Variants in ANKRD55 observed in about 807,000 individuals in gnomAD.
The protein encoded by ANKRD55 is ankyrin repeat domain-containing protein 55.
Under a neutral mutation model 60.6 loss-of-function variants are expected in ANKRD55, and 41 were observed. The ratio of observed to expected loss-of-function variants is 0.68; its 90% CI spans 0.53 to 0.88. The LOEUF (loss-of-function observed/expected upper bound fraction) is 0.88. Among genes scored for constraint, ANKRD55 ranks in the 40% least tolerant of loss-of-function variants. The pLI is 0.00. For synonymous variants in ANKRD55, 264 were observed against 290.3 expected (o/e 0.91, Z 0.92); for missense variants, 732 against 767.6 (o/e 0.95, Z 0.55).
intron 10 of ANKRD55, among the ~76,000 whole-genome samples, chr5:56,104,607 A>C (rs1756395168): frequency 2.0e-5 from 3 of 152,140 alleles, no homozygotes; most frequent in Admixed American, 6.5e-5. Context: ...GAAAAAAAGG[A>C]TAGGAAATGT....
At chr5:56,211,997 A>C (rs1759684320) in intron 2 of ANKRD55, among the ~76,000 whole-genome samples, 1 of 152,108 alleles carries the variant, frequency 6.6e-6, no homozygotes, top group African/African-American at 2.4e-5. Flanking sequence ...AAGCACAGAA[A>C]AAAAGTAAAA....
At chr5:56,190,259 T>C (rs160929) in intron 2 of ANKRD55, among the ~76,000 whole-genome samples, 26,163 of 152,184 alleles carry the variant, frequency 0.17, 2,730 homozygotes, top group East Asian at 0.38. Context: ...GCAAATATTT[T>C]CTCTCATTCT....
Position 56,102,565 on chromosome 5 carries a change from G to C in ANKRD55, c.1652C>G (p.Ser551Cys). 2 of 1,613,356 alleles carry C rather than the reference G, an allele frequency of 1.2e-6. No homozygotes were observed. Among genetic ancestry groups the C allele is most frequent in the South Asian group, 2.2e-5 (2 of 91,062 alleles). ...PSSGQNFQHL[S>C]PNRHKIRDLP... is the part of the protein sequence containing the mutation. ...ATCCCTGATTTTGTGTCTGTTTGGG[G>C]AAAGATGCTGAAAATTTTGTCCTGA... Residue 551 changes from serine (S) to cysteine (C), a missense_variant, in exon 11 of 12, where the codon TCC becomes TGC. Ser to Cys is a moderately radical substitution (Grantham distance 112, BLOSUM62 -1). This residue lies in a region of ANKRD55 where 597 missense variants were observed against 607.5 expected (regional missense o/e 0.98). Coordinates refer to ENST00000341048, the MANE Select transcript of ANKRD55 (RefSeq NM_024669.3).
At chr5:56,109,972 C>A (rs1756624809) in intron 10 of ANKRD55, among the ~76,000 whole-genome samples, 2 of 151,630 alleles carry the variant, frequency 1.3e-5, no homozygotes, top group Non-Finnish European at 2.9e-5. Context: ...GAGCAGAGAT[C>A]GTGTCACTGT....
intron 6 of ANKRD55, among the ~76,000 whole-genome samples, chr5:56,153,703 G>C (rs1386800428): frequency 6.6e-6 from 1 of 151,892 alleles, no homozygotes. Context: ...TGGGCGTGGT[G>C]GTGGGTGCCT....
intron 7 of ANKRD55, among the ~76,000 whole-genome samples, chr5:56,139,346 C>A (rs1006354583): frequency 6.6e-6 from 1 of 152,126 alleles, no homozygotes; most frequent in African/African-American, 2.4e-5. Context: ...GAATAAGGCA[C>A]GTTGCCCTTA....
intron 2 of ANKRD55, among the ~76,000 whole-genome samples, chr5:56,200,417 A>G (rs933613824): frequency 6.6e-6 from 1 of 152,144 alleles, no homozygotes; most frequent in Non-Finnish European, 1.5e-5. Context: ...TTCATTTTTC[A>G]TGGTCAAAAA....
At chr5:56,136,078 T>A (rs6864563) in intron 7 of ANKRD55, among the ~76,000 whole-genome samples, 68,837 of 151,856 alleles carry the variant, frequency 0.45, 16,179 homozygotes, top group Middle Eastern at 0.55. Flanking sequence ...ATGGAGATCT[T>A]CATATGGTAA....
At chr5:56,139,560 C>T (rs971259302) in intron 7 of ANKRD55, among the ~76,000 whole-genome samples, 1 of 152,106 alleles carries the variant, frequency 6.6e-6, no homozygotes, top group East Asian at 1.9e-4. Context: ...AGCATTTTAC[C>T]CAAATGGAAG....
intron 5 of ANKRD55, among the ~76,000 whole-genome samples, chr5:56,165,319 A>G (rs1438303498): frequency 2.0e-5 from 3 of 152,210 alleles, no homozygotes; most frequent in South Asian, 2.1e-4. Flanking sequence ...CTGCATTTAC[A>G]TGGGCCTGTG....
At chr5:56,113,562 G>A (rs534612533) in intron 9 of ANKRD55, among the ~76,000 whole-genome samples, 23 of 152,134 alleles carry the variant, frequency 1.5e-4, no homozygotes, top group Admixed American at 3.9e-4. Context: ...CTTTTTTCAC[G>A]GAACACCATT....
intron 2 of ANKRD55, chr5:56,193,587 T>C: frequency 3.0e-6 from 1 of 331,824 alleles, no homozygotes; most frequent in African/African-American, 2.2e-5. Context: ...TAAAGGAAAT[T>C]AGTCAAGCAA....
intron 4 of ANKRD55, among the ~76,000 whole-genome samples, chr5:56,172,328 C>T (rs966473177): frequency 6.6e-6 from 1 of 152,074 alleles, no homozygotes; most frequent in Non-Finnish European, 1.5e-5. Context: ...TCTGGCATTT[C>T]CAGTCTTGAG....
chr5:56,230,454 C>G (rs1254829184), intron 2 of ANKRD55, among the ~76,000 whole-genome samples: 1 of 152,182 alleles, frequency 6.6e-6, no homozygotes, highest in Non-Finnish European at 1.5e-5. Flanking sequence ...TAAGATTCTT[C>G]CAGCTGCAAT....
intron 8 of ANKRD55, among the ~76,000 whole-genome samples, chr5:56,118,520 A>C (rs1756944221): frequency 6.6e-6 from 1 of 152,036 alleles, no homozygotes; most frequent in Non-Finnish European, 1.5e-5. Context: ...GCTACTTGGG[A>C]GGCTGAGGCA....
rs539544719 is a variant in ANKRD55 at position 56,154,934 on chromosome 5, C to A, written c.483+4899G>T. 1.9e-4 allele frequency among the ~76,000 whole-genome samples: 29 copies of A among 152,146 alleles called. 1 individual carries two copies. The South Asian group carries it at 5.8e-3, about 30-fold the overall frequency. ...CATTTGCAATTCTAGAACTGGGCTTCATTCCAAAATGTTCTGGCCAGGCAT... is the reference window on the plus strand; with the variant it reads ...CATTTGCAATTCTAGAACTGGGCTTAATTCCAAAATGTTCTGGCCAGGCAT... On this transcript the variant is annotated intron_variant, in intron 6 of 11. Transcript: ENST00000341048.
At chr5:56,220,534 G>T (rs541780453) in intron 2 of ANKRD55, among the ~76,000 whole-genome samples, 6 of 152,206 alleles carry the variant, frequency 3.9e-5, no homozygotes, top group African/African-American at 9.7e-5. Context: ...ACTGAAAGAG[G>T]CGGGGCACAG....
In ANKRD55 at chr5:56,224,870, C is replaced by G. The variant is rs148651820; in HGVS notation, c.58+7986G>C. On this transcript the variant is annotated intron_variant, in intron 2 of 11. Transcript: ENST00000341048. ...CCTACCAACCAAAAAAAGTCCAGGACCAGACAGATTCACAGCCGAATTCTA... is the reference window on the plus strand; with the variant it reads ...CCTACCAACCAAAAAAAGTCCAGGAGCAGACAGATTCACAGCCGAATTCTA... Among the ~76,000 whole-genome samples the G allele has an allele frequency of 9.0e-3, 1,362 of 152,172 alleles. 16 individuals carry two copies. The highest frequency in any genetic ancestry group is 0.031 in the African/African-American group (1,298 of 41,484).
chr5:56,157,305 G>T (rs1295674963), intron 6 of ANKRD55, among the ~76,000 whole-genome samples: 1 of 152,216 alleles, frequency 6.6e-6, no homozygotes, highest in Non-Finnish European at 1.5e-5. Flanking sequence ...AGGCCACAGG[G>T]ACCTCTGCCT....
Sources: gnomAD v4.1 joint callset for allele counts (sites outside exome capture counted in the v4.1 genomes callset) on GRCh38, gnomAD v4.1.1 for gene constraint, gnomAD v4.1.1 regional missense constraint, MANE v1.5 for transcripts, NCBI Gene and HGNC (gene_info 2026-07-23, HGNC 2026-07-21) for gene names.